The following DOCK2 variants were observed in gnomAD, a reference collection of about 807,000 sequenced individuals.
The protein encoded by DOCK2 is dedicator of cytokinesis protein 2.
DOCK2 carries 87 observed loss-of-function variants against 248.9 expected under a neutral mutation model. That is an observed-to-expected ratio of 0.35 (90% CI 0.29 to 0.42). The LOEUF is 0.42. DOCK2 is among the 10% of genes least tolerant of loss of function. The pLI, the probability that DOCK2 is intolerant of heterozygous loss-of-function variation, is 1.00. For synonymous variants in DOCK2, 805 were observed against 821.6 expected, an observed-to-expected ratio of 0.98 and a Z score of 0.35; for missense variants, 1,747 against 2,300.2, an observed-to-expected ratio of 0.76 and a Z score of 4.92.
intron 27 of DOCK2, among the ~76,000 whole-genome samples, chr5:169,859,423 G>A (rs181951006): frequency 6.6e-6 from 1 of 152,236 alleles, no homozygotes; most frequent in Non-Finnish European, 1.5e-5. Context: ...AATGCTGACA[G>A]TGTTGGATTA....
chr5:169,974,364 A>AAAGAGAAGTTAG (rs1315214651), intron 27 of DOCK2, among the ~76,000 whole-genome samples: 35 of 152,286 alleles, frequency 2.3e-4, no homozygotes, highest in African/African-American at 7.9e-4. Context: ...ACTAATACTA[A>AAAGAGAAGTTAG]CTTCTCTTTC....
chr5:169,714,244 G>T (rs1427119194), intron 18 of DOCK2, 33 bp downstream of exon 18: 1 of 1,601,250 alleles, frequency 6.2e-7, no homozygotes, highest in Non-Finnish European at 8.5e-7. Context: ...TGTCTGTGGG[G>T]AGTGTGTGTG....
chr5:170,063,891 A>C (rs1375649666), intron 44 of DOCK2, among the ~76,000 whole-genome samples: 1 of 152,184 alleles, frequency 6.6e-6, no homozygotes, highest in East Asian at 1.9e-4. Context: ...AGCTTAGGGC[A>C]GAGAGAGTGA....
At chr5:169,989,665 T>A (rs2113791886) in intron 29 of DOCK2, among the ~76,000 whole-genome samples, 1 of 152,346 alleles carries the variant, frequency 6.6e-6, no homozygotes, top group South Asian at 2.1e-4. Context: ...GACTTATGGC[T>A]GCCTGGATTC....
At chr5:169,761,152 T>C (rs1320148609) in intron 24 of DOCK2, among the ~76,000 whole-genome samples, 3 of 152,238 alleles carry the variant, frequency 2.0e-5, no homozygotes, top group African/African-American at 7.2e-5. Context: ...TGCATAACCT[T>C]AGAAAAGTTA....
At chr5:170,042,650 C>T (rs1191705683) in intron 38 of DOCK2, among the ~76,000 whole-genome samples, 1 of 152,182 alleles carries the variant, frequency 6.6e-6, no homozygotes, top group Non-Finnish European at 1.5e-5. Context: ...CATTCCTCCA[C>T]CATAGCTGCC....
chr5:169,893,191 T>C (rs943007855), intron 27 of DOCK2, among the ~76,000 whole-genome samples: 5 of 152,344 alleles, frequency 3.3e-5, no homozygotes, highest in Non-Finnish European at 7.3e-5. Context: ...GCACCTGCCC[T>C]GTAGGGACAA....
intron 25 of DOCK2, among the ~76,000 whole-genome samples, chr5:169,797,157 T>C (rs1307785516): frequency 6.6e-6 from 1 of 152,206 alleles, no homozygotes; most frequent in Non-Finnish European, 1.5e-5. Context: ...CTTGGTTGAC[T>C]GTGTGACTGG....
At chr5:169,995,495 C>T (rs1055015972) in intron 29 of DOCK2, among the ~76,000 whole-genome samples, 1 of 152,202 alleles carries the variant, frequency 6.6e-6, no homozygotes, top group Non-Finnish European at 1.5e-5. Flanking sequence ...AACTGTGATA[C>T]ATCCATACAG....
chr5:169,996,318 C>G (rs1398431705), intron 30 of DOCK2, among the ~76,000 whole-genome samples, 154 bp downstream of exon 30: 2 of 152,212 alleles, frequency 1.3e-5, no homozygotes, highest in Non-Finnish European at 2.9e-5. Flanking sequence ...GGAGAAAATT[C>G]TCAGGCTTTC....
At chr5:169,678,562 C>G (rs2113337382) in intron 6 of DOCK2, among the ~76,000 whole-genome samples, 1 of 152,142 alleles carries the variant, frequency 6.6e-6, no homozygotes, top group South Asian at 2.1e-4. Flanking sequence ...CGAGCCTGGC[C>G]AAGAAAAAAG....
intron 22 of DOCK2, among the ~76,000 whole-genome samples, chr5:169,738,356 G>C (rs1257074935): frequency 1.3e-5 from 2 of 152,190 alleles, no homozygotes; most frequent in African/African-American, 4.8e-5. Context: ...ACCCCCACAG[G>C]TGAAAGGAAA....
At chr5:169,640,196 G>A (rs1757075941) in intron 1 of DOCK2, among the ~76,000 whole-genome samples, 1 of 152,186 alleles carries the variant, frequency 6.6e-6, no homozygotes, top group Non-Finnish European at 1.5e-5. Flanking sequence ...TGATGACTGG[G>A]ACTTCAGCAT....
chr5:169,659,089 C>G (rs1374153618), intron 2 of DOCK2, among the ~76,000 whole-genome samples: 1 of 151,148 alleles, frequency 6.6e-6, no homozygotes, highest in East Asian at 1.9e-4. Context: ...AGGGCCCAAG[C>G]AGTCCTCCTG....
intron 33 of DOCK2, among the ~76,000 whole-genome samples, chr5:170,021,956 A>C (rs949249834): frequency 6.6e-6 from 1 of 152,118 alleles, no homozygotes; most frequent in African/African-American, 2.4e-5. Context: ...ATGCCAAAAT[A>C]ATCCCATGAG....
chr5:170,067,481 T>C (rs1757534538), intron 44 of DOCK2, 29 bp from the exon 45 acceptor site: 1 of 1,601,258 alleles, frequency 6.2e-7, no homozygotes, highest in Non-Finnish European at 8.5e-7. Flanking sequence ...ACTAAGGCCC[T>C]TTCTTCTTGG....
chr5:170,054,051 A>G (rs1440739511), intron 41 of DOCK2, among the ~76,000 whole-genome samples: 1 of 152,182 alleles, frequency 6.6e-6, no homozygotes, highest in Non-Finnish European at 1.5e-5. Flanking sequence ...GTTTTCATGG[A>G]CTGTGGTATT....
At chr5:169,975,298 A>T (rs2113772457) in intron 27 of DOCK2, among the ~76,000 whole-genome samples, 1 of 152,320 alleles carries the variant, frequency 6.6e-6, no homozygotes, top group East Asian at 1.9e-4. Flanking sequence ...AAGACATGGA[A>T]AATGCTTCTC....
At chr5:169,984,923 T>A (rs1391953757) in intron 28 of DOCK2, among the ~76,000 whole-genome samples, 1 of 152,168 alleles carries the variant, frequency 6.6e-6, no homozygotes, top group African/African-American at 2.4e-5. Context: ...TTTCTTTATT[T>A]ATTTTTTATT....
Sources: allele counts gnomAD v4.1 joint callset (sites outside exome capture counted in the v4.1 genomes callset), GRCh38; gene constraint gnomAD v4.1.1; transcripts MANE v1.5; gene names NCBI Gene and HGNC (gene_info 2026-07-23, HGNC 2026-07-21).